The following LY6G5C variants were observed in gnomAD, a reference collection of about 807,000 sequenced individuals.
The protein encoded by LY6G5C is lymphocyte antigen 6 family member G5C.
A neutral mutation model predicts 10.5 loss-of-function variants in LY6G5C; 6 were observed. The observed-to-expected ratio is 0.57, with a 90% confidence interval of 0.31 to 1.12. LY6G5C has a LOEUF of 1.12. Ranked by LOEUF, LY6G5C falls within the 50% of genes most tolerant of loss-of-function variation. The probability of loss-of-function intolerance (pLI) is 0.05; values close to 1 mark genes in which losing one functional copy is unlikely to be tolerated. For synonymous variants in LY6G5C, 69 were observed against 67.8 expected (o/e 1.02, Z -0.09); for missense variants, 160 against 185.5 (o/e 0.86, Z 0.80).
rs567769975 is a variant in LY6G5C at position 31,679,367 on chromosome 6, T to C, written c.122-99A>G. The C allele has an allele frequency of 2.5e-4, 330 of 1,336,884 alleles. No homozygotes were observed. The highest frequency in any genetic ancestry group is 6.5e-4 in the East Asian group (28 of 43,168). The allele number at this position is 1,336,884 out of a possible 1,614,324, so 82.8% of individuals were successfully genotyped here. On this transcript the variant is annotated intron_variant, in intron 1 of 2. Transcript: ENST00000383237. This position sits in a 1 kb window ranked among gnomAD's most constrained non-coding sequence, Gnocchi z 4.4. ...CCACTCAGCCCCACTCCTCCCTCCCTTCCTGTCTCAGAAAACCATCAAAGC... is the reference window on the plus strand; with the variant it reads ...CCACTCAGCCCCACTCCTCCCTCCCCTCCTGTCTCAGAAAACCATCAAAGC...
rs766075156 is a variant in LY6G5C at position 31,680,247 on chromosome 6, A to G, written c.121+6T>C. Reference sequence around the variant, plus strand: ...GAGACCCTTCTGAACCCTTGGAGCCACTTACCAAACACCAAGCTCATCATG... The same window carrying G: ...GAGACCCTTCTGAACCCTTGGAGCCGCTTACCAAACACCAAGCTCATCATG... On this transcript the variant is annotated splice_donor_region_variant and intron_variant, in intron 1 of 2. Coordinates refer to ENST00000383237, the Ensembl canonical transcript of LY6G5C. The surrounding 1 kb of genome is among the most constrained non-coding windows in gnomAD (Gnocchi z 4.5). 1 of 1,612,716 alleles carries G rather than the reference A, an allele frequency of 6.2e-7. No individual in the cohort carries two copies. The highest frequency in any genetic ancestry group is 8.5e-7 in the Non-Finnish European group (1 of 1,179,972).
intron 2 of LY6G5C, among the ~76,000 whole-genome samples, chr6:31,677,754 G>T (rs912627558): frequency 6.6e-6 from 1 of 152,148 alleles, no homozygotes; most frequent in South Asian, 2.1e-4. Flanking sequence ...CTACTATCTT[G>T]GGTTGGGGCG....
exon 3 of LY6G5C, chr6:31,676,825 TG>T: frequency 1.2e-6 from 1 of 816,960 alleles, no homozygotes; most frequent in Non-Finnish European, 2.0e-6. Flanking sequence ...GAGCCAAGGC[TG>T]GGGTCCAGTG....
upstream of LY6G5C, among the ~76,000 whole-genome samples, chr6:31,680,677 T>G (rs1344008365): frequency 2.6e-5 from 4 of 152,192 alleles, no homozygotes. This position sits in a 1 kb window ranked among gnomAD's most constrained non-coding sequence, Gnocchi z 4.5. Context: ...CACAGTCTAG[T>G]AGGGGAGACA....
chr6:31,678,849 G>A (rs577444914), intron 2 of LY6G5C, among the ~76,000 whole-genome samples: 11 of 152,192 alleles, frequency 7.2e-5, no homozygotes, highest in African/African-American at 1.4e-4. Context: ...GCGTGGTGGC[G>A]TGCACCTTTA....
Position 31,680,185 on chromosome 6 carries a change from G to A in LY6G5C, c.121+68C>T, listed in dbSNP as rs778160030. The A allele has an allele frequency of 1.3e-5, 21 of 1,602,344 alleles. No individual in the cohort carries two copies. The highest frequency in any genetic ancestry group is 1.7e-5 in the Non-Finnish European group (20 of 1,170,942). ...TGAGCATCCTGGACAGGTGTACCCA[G>A]ACACTTGGTGTCTGTGGGTTTCTCC... On this transcript the variant is annotated intron_variant, in intron 1 of 2. Coordinates refer to ENST00000383237, the Ensembl canonical transcript of LY6G5C. The surrounding 1 kb of genome is among the most constrained non-coding windows in gnomAD (Gnocchi z 4.5).
At chr6:31,680,903 C>T (rs1199452543), upstream of LY6G5C, among the ~76,000 whole-genome samples, 1 of 152,030 alleles carries the variant, frequency 6.6e-6, no homozygotes, top group Non-Finnish European at 1.5e-5. This position sits in a 1 kb window ranked among gnomAD's most constrained non-coding sequence, Gnocchi z 4.5. Context: ...CGGACTGGTC[C>T]GGCAGAAGAC....
intron 2 of LY6G5C, 38 bp from the exon 3 acceptor site, chr6:31,677,158 C>G: frequency 6.2e-7 from 1 of 1,602,022 alleles, no homozygotes. Flanking sequence ...TACGGAAGTC[C>G]CCAGGAAGAG....
chr6:31,679,105 C>T lies in LY6G5C; in HGVS notation c.285G>A (p.Lys95=), dbSNP rs897100073. The T allele has an allele frequency of 6.2e-7, 1 of 1,612,916 alleles. No individual in the cohort carries two copies. Residue 95 remains lysine (K), a synonymous_variant, in exon 2 of 3, where the codon AAG becomes AAA. Coordinates refer to ENST00000383237, the Ensembl canonical transcript of LY6G5C. This position sits in a 1 kb window ranked among gnomAD's most constrained non-coding sequence, Gnocchi z 4.4. ...TGACAGGAGAAGGCCACTTACTGTTCTTTTTGTGGAGAGTGATGCAGCTGC... is the reference window on the plus strand; with the variant it reads ...TGACAGGAGAAGGCCACTTACTGTTTTTTTTGTGGAGAGTGATGCAGCTGC...
In LY6G5C at chr6:31,680,132, C is replaced by T; in HGVS notation, c.121+121G>A. The T allele has an allele frequency of 8.6e-7, 1 of 1,167,050 alleles. No individual in the cohort carries two copies. 72.3% of individuals were successfully genotyped at this position (1,167,050 alleles called of 1,614,324 possible). A position where few individuals can be genotyped will look rare whatever the true frequency, so the allele number is the denominator to read the frequency against. On this transcript the variant is annotated intron_variant, in intron 1 of 2. Transcript: ENST00000383237. This position sits in a 1 kb window ranked among gnomAD's most constrained non-coding sequence, Gnocchi z 4.5. ...GGCATTCCCTACCAAACCCATCTGT[C>T]CCATCTCTCCTCCTGCATGGGTTTA...
intron 2 of LY6G5C, among the ~76,000 whole-genome samples, chr6:31,677,774 G>A (rs920181043): frequency 6.6e-6 from 1 of 152,104 alleles, no homozygotes; most frequent in Non-Finnish European, 1.5e-5. Context: ...GGGGGAAGAG[G>A]TGAAAAAATA....
chr6:31,676,935 A>T, exon 3 of LY6G5C: 1 of 1,603,850 alleles, frequency 6.2e-7, no homozygotes, highest in Non-Finnish European at 8.5e-7. Flanking sequence ...GGAATTTTAC[A>T]CCAAAGTTTG....
In LY6G5C at chr6:31,679,494, A is replaced by G; in HGVS notation, c.122-226T>C. Reference sequence around the variant, plus strand: ...GTTAACAAATCCCCAGACCCAGCAGAGCACTTGGTGTTAGGCAGAGGAAAG... The same window carrying G: ...GTTAACAAATCCCCAGACCCAGCAGGGCACTTGGTGTTAGGCAGAGGAAAG... On this transcript the variant is annotated intron_variant, in intron 1 of 2. Transcript: ENST00000383237. This position sits in a 1 kb window ranked among gnomAD's most constrained non-coding sequence, Gnocchi z 4.4. 1 of 589,878 alleles carries G rather than the reference A, an allele frequency of 1.7e-6. No homozygotes were observed. Among genetic ancestry groups the G allele is most frequent in the South Asian group, 2.1e-5 (1 of 48,286 alleles). The allele number at this position is 589,878 out of a possible 1,614,324, so 36.5% of individuals were successfully genotyped here.
chr6:31,677,076 G>C (rs1443695954), exon 3 of LY6G5C: 2 of 1,612,958 alleles, frequency 1.2e-6, no homozygotes, highest in Non-Finnish European at 1.7e-6. Flanking sequence ...TCACTCATCT[G>C]CTCCTTACTT....
downstream of LY6G5C, chr6:31,676,690 T>TTTTTGTGTGTATGGTATGACATACCA: frequency 2.1e-6 from 1 of 476,370 alleles, no homozygotes; most frequent in Non-Finnish European, 3.7e-6. Flanking sequence ...ACCAAACAGT[T>TTTTTGTGTGTATGGTATGACATACCA]TACACACAAA....
At position 31,679,544 on chromosome 6, in the gene LY6G5C, G is replaced by A. The variant is rs1354278325; in HGVS notation, c.122-276C>T. ...GTGCTAAACCAACACTTTGAATCCT[G>A]TGTCTCTGTGGCTGGTGCTTTGCAG... On this transcript the variant is annotated intron_variant, in intron 1 of 2. Transcript: ENST00000383237. The surrounding 1 kb of genome is among the most constrained non-coding windows in gnomAD (Gnocchi z 4.4). The A allele has an allele frequency of 1.9e-6, 1 of 513,412 alleles. No homozygotes were observed. Among genetic ancestry groups the A allele is most frequent in the Non-Finnish European group, 3.5e-6 (1 of 283,706 alleles). The allele number at this position is 513,412 out of a possible 1,614,324, so 31.8% of individuals were successfully genotyped here. A position where few individuals can be genotyped will look rare whatever the true frequency, so the allele number is the denominator to read the frequency against.
At chr6:31,676,969 G>A in exon 3 of LY6G5C, 1 of 1,613,012 alleles carries the variant, frequency 6.2e-7, no homozygotes, top group East Asian at 2.2e-5. Flanking sequence ...AAGGAGTATA[G>A]AGCCCTCTGT....
At chr6:31,680,503 C>G, upstream of LY6G5C, 1 of 1,008,432 alleles carries the variant, frequency 9.9e-7, no homozygotes, top group East Asian at 2.6e-5. The surrounding 1 kb of genome is among the most constrained non-coding windows in gnomAD (Gnocchi z 4.5). Context: ...AATGTTCGCA[C>G]CCACAGCCAC....
At chr6:31,677,952 G>A (rs559547754) in intron 2 of LY6G5C, among the ~76,000 whole-genome samples, 1 of 152,274 alleles carries the variant, frequency 6.6e-6, no homozygotes, top group Non-Finnish European at 1.5e-5. Flanking sequence ...ACCCACATCT[G>A]TGCATCGGCT....
Sources: gnomAD v4.1 joint callset for allele counts (sites outside exome capture counted in the v4.1 genomes callset) on GRCh38, gnomAD v4.1.1 for gene constraint, Gnocchi (gnomAD v3.1) non-coding constraint, MANE v1.5 for transcripts, NCBI Gene and HGNC (gene_info 2026-07-23, HGNC 2026-07-21) for gene names.